The following CSGALNACT1 variants were observed in gnomAD, a reference collection of about 807,000 sequenced individuals.
CSGALNACT1 encodes the protein beta4GalNAcT-1.
A neutral mutation model predicts 51.0 loss-of-function variants in CSGALNACT1; 52 were observed. The observed-to-expected ratio is 1.02, with a 90% CI of 0.82 to 1.29. The LOEUF (loss-of-function observed/expected upper bound fraction) is 1.29. Ranked by LOEUF, CSGALNACT1 falls within the 50% of genes most tolerant of loss-of-function variation. CSGALNACT1 has a pLI of 0.00. For missense variants in CSGALNACT1, 935 were observed against 679.2 expected (o/e 1.38, Z -4.19); for synonymous variants, 341 against 254.4 (o/e 1.34, Z -3.24).
intron 1 of CSGALNACT1, among the ~76,000 whole-genome samples, chr8:19,672,341 A>G (rs2059858405): frequency 1.3e-5 from 2 of 152,238 alleles, no homozygotes; most frequent in Admixed American, 1.3e-4. Flanking sequence ...AGATTAATAA[A>G]TGAACAAAAA....
chr8:19,462,299 C>G (rs1049177901), intron 4 of CSGALNACT1, among the ~76,000 whole-genome samples: 5 of 152,274 alleles, frequency 3.3e-5, no homozygotes, highest in South Asian at 2.1e-4. Flanking sequence ...GAAAATGCAG[C>G]TGACAGTTTA....
chr8:19,444,180 T>G (rs1266864566), intron 5 of CSGALNACT1, among the ~76,000 whole-genome samples: 1 of 152,230 alleles, frequency 6.6e-6, no homozygotes, highest in Non-Finnish European at 1.5e-5. Context: ...TAACATGGTG[T>G]GATATTGGGA....
intron 1 of CSGALNACT1, among the ~76,000 whole-genome samples, chr8:19,705,047 C>T (rs935089498): frequency 6.6e-6 from 1 of 152,152 alleles, no homozygotes; most frequent in Non-Finnish European, 1.5e-5. Flanking sequence ...GTATTGCCCA[C>T]TTAAAATGTG....
intron 1 of CSGALNACT1, among the ~76,000 whole-genome samples, chr8:19,664,876 G>A (rs952758235): frequency 1.3e-5 from 2 of 152,176 alleles, no homozygotes; most frequent in Admixed American, 1.3e-4. Context: ...ATAGACATTG[G>A]AGATTACTAA....
At chr8:19,751,699 C>A (rs2065038340) in intron 1 of CSGALNACT1, among the ~76,000 whole-genome samples, 1 of 152,184 alleles carries the variant, frequency 6.6e-6, no homozygotes, top group Non-Finnish European at 1.5e-5. Context: ...TAGCGGCAGA[C>A]TTCCCCCTTG....
At chr8:19,726,665 T>C (rs1589717508) in intron 1 of CSGALNACT1, among the ~76,000 whole-genome samples, 1 of 152,204 alleles carries the variant, frequency 6.6e-6, no homozygotes, top group African/African-American at 2.4e-5. Context: ...TGTACAAATA[T>C]TTTTAGAATG....
At chr8:19,498,195 G>T (rs529577569) in intron 4 of CSGALNACT1, among the ~76,000 whole-genome samples, 1 of 152,260 alleles carries the variant, frequency 6.6e-6, no homozygotes, top group East Asian at 1.9e-4. Context: ...CCCTGAGGCA[G>T]GTTACCAGGT....
At chr8:19,750,150 C>G (rs1472162) in intron 1 of CSGALNACT1, among the ~76,000 whole-genome samples, 49,797 of 152,074 alleles carry the variant, frequency 0.33, 8,381 homozygotes, top group Middle Eastern at 0.4. Context: ...TTGACTTCTT[C>G]TTAAAATAGC....
chr8:19,527,679 A>C (rs944924405), intron 3 of CSGALNACT1, among the ~76,000 whole-genome samples: 6 of 152,204 alleles, frequency 3.9e-5, no homozygotes, highest in African/African-American at 1.4e-4. Flanking sequence ...AAGCGACATT[A>C]CGCATGAGAA....
chr8:19,741,829 T>C (rs2064338208), intron 1 of CSGALNACT1, among the ~76,000 whole-genome samples: 1 of 152,210 alleles, frequency 6.6e-6, no homozygotes, highest in Non-Finnish European at 1.5e-5. Flanking sequence ...TTTATTATAA[T>C]TAATAATGAT....
At chr8:19,708,239 A>G (rs1413679156) in intron 1 of CSGALNACT1, among the ~76,000 whole-genome samples, 1 of 152,202 alleles carries the variant, frequency 6.6e-6, no homozygotes, top group African/African-American at 2.4e-5. Context: ...ACATGCAAAG[A>G]AATGTGCACA....
chr8:19,596,150 G>T (rs1416986449), intron 2 of CSGALNACT1, among the ~76,000 whole-genome samples: 3 of 152,100 alleles, frequency 2.0e-5, no homozygotes, highest in African/African-American at 7.2e-5. Flanking sequence ...TTATAGGTGT[G>T]AGCCACCGTG....
At chr8:19,587,630 A>C (rs927305545) in intron 3 of CSGALNACT1, among the ~76,000 whole-genome samples, 5 of 152,208 alleles carry the variant, frequency 3.3e-5, no homozygotes, top group African/African-American at 1.2e-4. Context: ...CCACAAACCT[A>C]TAAGTACCTT....
At chr8:19,651,533 G>A (rs1029863094) in intron 1 of CSGALNACT1, among the ~76,000 whole-genome samples, 1 of 151,794 alleles carries the variant, frequency 6.6e-6, no homozygotes, top group Non-Finnish European at 1.5e-5. Context: ...TTCTGTTCCT[G>A]CATTAATTCA....
At chr8:19,666,940 AG>A (rs2059314012) in intron 1 of CSGALNACT1, among the ~76,000 whole-genome samples, 3 of 127,410 alleles carry the variant, frequency 2.4e-5, no homozygotes, top group Admixed American at 8.3e-5. Flanking sequence ...AGAGAGAGAG[AG>A]AAAAAGAAAG....
At chr8:19,613,660 T>G (rs1375720658) in intron 1 of CSGALNACT1, among the ~76,000 whole-genome samples, 1 of 152,220 alleles carries the variant, frequency 6.6e-6, no homozygotes, top group African/African-American at 2.4e-5. Context: ...TAGGCTATAA[T>G]CTGAAAAGTA....
At chr8:19,539,246 C>G (rs2084505505) in intron 3 of CSGALNACT1, among the ~76,000 whole-genome samples, 1 of 152,180 alleles carries the variant, frequency 6.6e-6, no homozygotes. Context: ...TACACAATAT[C>G]ATCAACTGTA....
chr8:19,692,803 G>A (rs1564435567), intron 1 of CSGALNACT1, among the ~76,000 whole-genome samples: 1 of 152,294 alleles, frequency 6.6e-6, no homozygotes, highest in South Asian at 2.1e-4. Context: ...TCTAAAAAAA[G>A]AGTGCCTAGA....
chr8:19,581,572 A>G (rs2045579961), intron 3 of CSGALNACT1, among the ~76,000 whole-genome samples: 1 of 152,232 alleles, frequency 6.6e-6, no homozygotes, highest in African/African-American at 2.4e-5. Context: ...GTGCCACTGC[A>G]CTCCAGCCTG....
Sources: gnomAD v4.1 joint callset for allele counts (sites outside exome capture counted in the v4.1 genomes callset) on GRCh38, gnomAD v4.1.1 for gene constraint, MANE v1.5 for transcripts, NCBI Gene and HGNC (gene_info 2026-07-23, HGNC 2026-07-21) for gene names.